Variants in MFSD8 observed in about 807,000 individuals in gnomAD.
MFSD8 encodes major facilitator superfamily domain-containing protein 8.
Under a neutral mutation model 66.4 loss-of-function variants are expected in MFSD8, and 55 were observed. The observed-to-expected ratio is 0.83, with a 90% confidence interval of 0.67 to 1.04. MFSD8 has a LOEUF of 1.04. Among genes scored for constraint, MFSD8 ranks in the 50% least tolerant of loss-of-function variants. The probability of loss-of-function intolerance (pLI) is 0.00; values close to 1 mark genes in which losing one functional copy is unlikely to be tolerated. For missense variants in MFSD8, 550 were observed against 627.6 expected (o/e 0.88, Z 1.32); for synonymous variants, 202 against 212.8 (o/e 0.95, Z 0.44).
At chr4:127,963,808 GC>G (rs1456433823) in intron 1 of MFSD8, among the ~76,000 whole-genome samples, 1 of 152,212 alleles carries the variant, frequency 6.6e-6, no homozygotes, top group East Asian at 1.9e-4. Context: ...TGGGCAGCCT[GC>G]TTTTATTCTC....
chr4:127,952,411 AT>A (rs1415132912), intron 2 of MFSD8, among the ~76,000 whole-genome samples: 18 of 152,224 alleles, frequency 1.2e-4, no homozygotes, highest in African/African-American at 3.1e-4. Flanking sequence ...CTCAAAAAAA[AT>A]AAATAAATAA....
chr4:127,957,581 A>C lies in MFSD8; in HGVS notation c.74T>G (p.Ile25Ser), dbSNP rs767893733. 4 of 1,609,830 alleles carry C rather than the reference A, an allele frequency of 2.5e-6. No individual in the cohort carries two copies. The South Asian group carries it at 4.4e-5, about 18-fold the overall frequency. ...CTTATAATGCTCTTCAGTCTCTAAAATGTCCCATTCTCTAGGTGTAAAGAA... is the reference window on the plus strand; with the variant it reads ...CTTATAATGCTCTTCAGTCTCTAAACTGTCCCATTCTCTAGGTGTAAAGAA... ...GDTPGSREWD[I>S]LETEEHYKSR... The change falls in exon 2 of 12, where the codon ATT (isoleucine) becomes AGT (serine). Residue 25 changes from isoleucine (I) to serine (S), a missense_variant. Ile to Ser is a moderately radical substitution (Grantham distance 142, BLOSUM62 -2). Coordinates refer to ENST00000641686, the MANE Select transcript of MFSD8 (RefSeq NM_001371596.2).
chr4:127,949,898 T>G (rs536940563), intron 2 of MFSD8, 51 bp from the exon 3 acceptor site: 1 of 1,497,460 alleles, frequency 6.7e-7, no homozygotes, highest in Non-Finnish European at 9.2e-7. Flanking sequence ...TTAATCATTA[T>G]TACAGATACA....
At chr4:127,948,600 G>C (rs1741454795) in intron 3 of MFSD8, among the ~76,000 whole-genome samples, 2 of 152,144 alleles carry the variant, frequency 1.3e-5, no homozygotes, top group Admixed American at 6.6e-5. Flanking sequence ...TCTTTCAGGA[G>C]GCAAGAATTG....
chr4:127,950,744 A>G (rs958581042), intron 2 of MFSD8, among the ~76,000 whole-genome samples: 1 of 152,060 alleles, frequency 6.6e-6, no homozygotes, highest in Non-Finnish European at 1.5e-5. Flanking sequence ...AAGAAATTCT[A>G]TAAAGCCTGT....
At chr4:127,957,328 T>G (rs528583490) in intron 2 of MFSD8, among the ~76,000 whole-genome samples, 173 bp downstream of exon 2, 6 of 152,320 alleles carry the variant, frequency 3.9e-5, no homozygotes, top group African/African-American at 1.4e-4. Context: ...TGCACAACAA[T>G]GTGGATATAC....
At position 127,947,863 on chromosome 4, in the gene MFSD8, AACACACACACACACACACACAC is replaced by A. The variant is rs10648496; in HGVS notation, c.198+1919_198+1940del. ...GATAAAACACACATATGCACGTGTG[AACACACACACACACACACACAC>A]ACACACACACACACTCTCTCTCCAA... On this transcript the variant is annotated intron_variant, in intron 3 of 11. Transcript: ENST00000641686. Among the ~76,000 whole-genome samples, 455 of 141,186 alleles carry A rather than the reference AACACACACACACACACACACAC, an allele frequency of 3.2e-3. 4 individuals carry two copies. Among genetic ancestry groups the A allele is most frequent in the African/African-American group, 0.011 (439 of 38,642 alleles). 92.6% of individuals were successfully genotyped at this position (141,186 alleles called of 152,430 possible). A position where few individuals can be genotyped will look rare whatever the true frequency, so the allele number is the denominator to read the frequency against.
At position 127,930,722 on chromosome 4, in the gene MFSD8, G is replaced by A. The variant is rs759406697; in HGVS notation, c.959C>T (p.Ala320Val). 1.5e-5 allele frequency: 24 copies of A among 1,613,186 alleles called. No individual in the cohort carries two copies. Among genetic ancestry groups the A allele is most frequent in the Non-Finnish European group, 2.0e-5 (24 of 1,179,720 alleles). ...GIILAALGVE[A>V]VVIFLGVKLL... ...CTTAACTCCTAAGAAAATAACAACG[G>A]CTTCAACCCCAAGAGCAGCAAGTAT... Residue 320 changes from alanine to valine, a missense_variant, in exon 9 of 12, where the codon GCC becomes GTC. Coordinates refer to ENST00000641686, the MANE Select transcript of MFSD8 (RefSeq NM_001371596.2).
At position 127,930,141 on chromosome 4, in the gene MFSD8, G is replaced by T. The variant is rs115302662; in HGVS notation, c.998+542C>A. Reference sequence around the variant, plus strand: ...TCATGCCTGTAGTCCAGCTATTCAGGAGGCTGAGATGAGAGGATCTCTTGA... The same window carrying T: ...TCATGCCTGTAGTCCAGCTATTCAGTAGGCTGAGATGAGAGGATCTCTTGA... On this transcript the variant is annotated intron_variant, in intron 9 of 11. Transcript: ENST00000641686. Among the ~76,000 whole-genome samples, 468 of 152,218 alleles carry T rather than the reference G, an allele frequency of 3.1e-3. 3 individuals carry two copies. The highest frequency in any genetic ancestry group is 0.01 in the African/African-American group (435 of 41,524).
At position 127,936,167 on chromosome 4, in the gene MFSD8, T is replaced by C. The variant is rs188590096; in HGVS notation, c.754+2616A>G. ...CCTCACTCTGTCACCCAGGCTGGAGTACGTGGCGTGATATCGGCTCACTGC... is the reference window on the plus strand; with the variant it reads ...CCTCACTCTGTCACCCAGGCTGGAGCACGTGGCGTGATATCGGCTCACTGC... On this transcript the variant is annotated intron_variant, in intron 7 of 11. Coordinates refer to ENST00000641686, the MANE Select transcript of MFSD8 (RefSeq NM_001371596.2). 4.6e-5 allele frequency among the ~76,000 whole-genome samples: 7 copies of C among 152,042 alleles called. No individual in the cohort carries two copies. The East Asian group carries it at 1.4e-3, about 29-fold the overall frequency.
chr4:127,947,694 A>C (rs1321426536), intron 3 of MFSD8, among the ~76,000 whole-genome samples: 1 of 152,094 alleles, frequency 6.6e-6, no homozygotes, highest in Non-Finnish European at 1.5e-5. Flanking sequence ...AGAGCAAAAG[A>C]AAGATGGAGA....
rs890487889 is a variant in MFSD8, at chr4:127,940,538, A to ATATATG, written c.554-542_554-541insCATATA. ...ATGGTATATATATATATATATATAT[A>ATATATG]TGTGTGTGTGTGTATATATTTATTA... On this transcript the variant is annotated intron_variant, in intron 5 of 11. Coordinates refer to ENST00000641686, the MANE Select transcript of MFSD8 (RefSeq NM_001371596.2). Among the ~76,000 whole-genome samples, 163 of 140,664 alleles carry ATATATG rather than the reference A, an allele frequency of 1.2e-3. 1 individual carries two copies. Among genetic ancestry groups the ATATATG allele is most frequent in the South Asian group, 4.6e-3 (21 of 4,608 alleles). 92.3% of individuals were successfully genotyped at this position (140,664 alleles called of 152,430 possible).
At chr4:127,927,187 T>C (rs1737349690) in intron 9 of MFSD8, among the ~76,000 whole-genome samples, 1 of 143,958 alleles carries the variant, frequency 6.9e-6, no homozygotes, top group African/African-American at 2.5e-5. Flanking sequence ...TTTTTTTTTT[T>C]GTTTTTCGCT....
Position 127,926,131 on chromosome 4 carries a change from T to C in MFSD8, c.999-4168A>G, listed in dbSNP as rs1737169238. On this transcript the variant is annotated intron_variant, in intron 9 of 11. Coordinates refer to ENST00000641686, the MANE Select transcript of MFSD8 (RefSeq NM_001371596.2). The stretch of plus-strand genomic sequence containing the variant: ...GGATAGCATTAGGAGAAATACCTAA[T>C]GTAGATGATGGGTTGATGGGTGCAG... 2.0e-5 allele frequency among the ~76,000 whole-genome samples: 3 copies of C among 151,524 alleles called. No homozygotes were observed. The South Asian group carries it at 6.3e-4, about 32-fold the overall frequency.
intron 7 of MFSD8, among the ~76,000 whole-genome samples, chr4:127,936,718 C>T (rs185365840): frequency 6.6e-6 from 1 of 151,708 alleles, no homozygotes; most frequent in Admixed American, 6.6e-5. Context: ...TTTATTAACT[C>T]CCCTATTCTG....
In MFSD8 at chr4:127,921,510, G is replaced by T. The variant is rs1311770324; in HGVS notation, c.1350+14C>A. On this transcript the variant is annotated intron_variant, in intron 11 of 11. Coordinates refer to ENST00000641686, the MANE Select transcript of MFSD8 (RefSeq NM_001371596.2). Reference sequence around the variant, plus strand: ...ATATTTTCTATAATTGCAATGTCAGGGTACCTGGCTTACCTGAGGTTTTGG... The same window carrying T: ...ATATTTTCTATAATTGCAATGTCAGTGTACCTGGCTTACCTGAGGTTTTGG... 1.9e-6 allele frequency: 3 copies of T among 1,614,050 alleles called. No homozygotes were observed. The highest frequency in any genetic ancestry group is 2.5e-6 in the Non-Finnish European group (3 of 1,180,026).
At chr4:127,934,576 T>TTTC (rs1403715796) in intron 7 of MFSD8, 32 of 149,342 alleles carry the variant, frequency 2.1e-4, no homozygotes, top group African/African-American at 7.6e-4. Context: ...GCCAGGTATT[T>TTTC]TTTTTTTTTT....
chr4:127,959,154 C>T (rs981710107), intron 1 of MFSD8, among the ~76,000 whole-genome samples: 2 of 152,194 alleles, frequency 1.3e-5, no homozygotes, highest in Non-Finnish European at 2.9e-5. Flanking sequence ...GTGTTCTCAA[C>T]ATAACCCATG....
At chr4:127,927,260 C>T (rs1737365630) in intron 9 of MFSD8, among the ~76,000 whole-genome samples, 1 of 152,054 alleles carries the variant, frequency 6.6e-6, no homozygotes, top group African/African-American at 2.4e-5. Flanking sequence ...ATTGCAACCT[C>T]CACCTCCTGG....
Sources: allele counts gnomAD v4.1 joint callset (sites outside exome capture counted in the v4.1 genomes callset), GRCh38; gene constraint gnomAD v4.1.1; transcripts MANE v1.5; gene names NCBI Gene and HGNC (gene_info 2026-07-23, HGNC 2026-07-21).